The following CCND1 variants were observed in gnomAD, a reference collection of about 807,000 sequenced individuals.
CCND1 encodes the protein cyclin D1, also known as G1/S-specific cyclin-D1.
In CCND1, 9 loss-of-function variants were observed where a neutral mutation model predicts 26.1. That is an observed-to-expected ratio of 0.35 (90% CI 0.21 to 0.60). The LOEUF (loss-of-function observed/expected upper bound fraction) is 0.60. Ranked by LOEUF, CCND1 falls within the 20% of genes least tolerant of loss-of-function variation. The pLI is 0.79. For missense variants in CCND1, 335 were observed against 392.9 expected (o/e 0.85, Z 1.25); for synonymous variants, 194 against 166.1 (o/e 1.17, Z -1.29).
chr11:69,648,194 C>T (rs777451146), intron 4 of CCND1, 52 bp downstream of exon 4: 8 of 1,598,918 alleles, frequency 5.0e-6, no homozygotes, highest in Non-Finnish European at 6.8e-6. Context: ...CAGGGGGAGA[C>T]ACCTAGTGCC....
At chr11:69,647,928 C>T (rs1474778445) in intron 3 of CCND1, 66 bp from the exon 4 acceptor site, 23 of 1,582,052 alleles carry the variant, frequency 1.5e-5, no homozygotes, top group African/African-American at 4.0e-5. Context: ...CAGGGATGCC[C>T]GGATCACGGG....
Position 69,651,363 on chromosome 11 carries a change from C to G in CCND1, c.*81C>G, listed in dbSNP as rs915920225. ...AGGTGCTCCCCTGACAGTCCCTCCTCTCCGGAGCATTTTGATACCAGAAGG... is the reference window on the plus strand; with the variant it reads ...AGGTGCTCCCCTGACAGTCCCTCCTGTCCGGAGCATTTTGATACCAGAAGG... On this transcript the variant is annotated 3_prime_UTR_variant, in exon 5 of 5. Transcript: ENST00000227507. 8.3e-7 allele frequency: 1 copy of G among 1,207,236 alleles called. No individual in the cohort carries two copies. Among genetic ancestry groups the G allele is most frequent in the Non-Finnish European group, 1.1e-6 (1 of 917,140 alleles). The allele number at this position is 1,207,236 out of a possible 1,614,324, so 74.8% of individuals were successfully genotyped here. A position where few individuals can be genotyped will look rare whatever the true frequency, so the allele number is the denominator to read the frequency against.
rs752345237 is a variant in CCND1 at position 69,643,877 on chromosome 11, G to T, written c.460G>T (p.Ala154Ser). Residue 154 changes from alanine (A) to serine (S), a missense_variant, in exon 3 of 5, where the codon GCA becomes TCA. Coordinates refer to ENST00000227507, the MANE Select transcript of CCND1 (RefSeq NM_053056.3). ...LVNKLKWNLA[A>S]MTPHDFIEHF... ...GAACAAGCTCAAGTGGAACCTGGCC[G>T]CAATGACCCCGCACGATTTCATTGA... 1.2e-6 allele frequency: 2 copies of T among 1,613,294 alleles called. No homozygotes were observed. Among genetic ancestry groups the T allele is most frequent in the Admixed American group, 1.7e-5 (1 of 60,012 alleles).
chr11:69,645,603 G>A (rs1211152556), intron 3 of CCND1, among the ~76,000 whole-genome samples: 1 of 152,210 alleles, frequency 6.6e-6, no homozygotes, highest in Non-Finnish European at 1.5e-5. Context: ...AAGTGCTCCG[G>A]GTCCTGACCC....
At position 69,654,280 on chromosome 11, in the gene CCND1, G is replaced by A. The variant is rs1384911321; in HGVS notation, c.*2998G>A. On this transcript the variant is annotated 3_prime_UTR_variant, in exon 5 of 5. Transcript: ENST00000227507. This position sits in a 1 kb window ranked among gnomAD's most constrained non-coding sequence, Gnocchi z 6.3. ...TGTGTGTATCGAGAGGCCAAAGGCT[G>A]GTGGCAAGTGCACGGGGCACAGCGG... 1 of 702,476 alleles carries A rather than the reference G, an allele frequency of 1.4e-6. No individual in the cohort carries two copies. The highest frequency in any genetic ancestry group is 1.7e-5 in the African/African-American group (1 of 57,254). 43.5% of individuals were successfully genotyped at this position (702,476 alleles called of 1,614,324 possible).
At chr11:69,648,707 A>T (rs1228846292) in intron 4 of CCND1, among the ~76,000 whole-genome samples, 1 of 117,002 alleles carries the variant, frequency 8.5e-6, no homozygotes, top group Non-Finnish European at 2.1e-5. Flanking sequence ...AATGACAATC[A>T]AAAGGGTTTG....
chr11:69,651,009 T>A, intron 4 of CCND1, 109 bp from the exon 5 acceptor site: 1 of 1,061,204 alleles, frequency 9.4e-7, no homozygotes, highest in Non-Finnish European at 1.3e-6. Context: ...TTTGGCTTAG[T>A]CTTGCTCTTA....
intron 4 of CCND1, 33 bp downstream of exon 4, chr11:69,648,175 CG>C: frequency 6.2e-7 from 1 of 1,611,758 alleles, no homozygotes; most frequent in Non-Finnish European, 8.5e-7. Context: ...GCAGCCTTGC[CG>C]GGGCTTACAG....
chr11:69,651,355 T>TC lies in CCND1; in HGVS notation c.*76dup. ...CCGGCCCCAGGTGCTCCCCTGACAG[T>TC]CCCTCCTCTCCGGAGCATTTTGATA... On this transcript the variant is annotated 3_prime_UTR_variant, in exon 5 of 5. Coordinates refer to ENST00000227507, the MANE Select transcript of CCND1 (RefSeq NM_053056.3). 8.0e-7 allele frequency: 1 copy of TC among 1,257,534 alleles called. No individual in the cohort carries two copies. The highest frequency in any genetic ancestry group is 1.0e-6 in the Non-Finnish European group (1 of 955,038). 77.9% of individuals were successfully genotyped at this position (1,257,534 alleles called of 1,614,324 possible).
In CCND1 at chr11:69,653,249, A is replaced by ACCGTTGACTTCCAGGC; in HGVS notation, c.*1968_*1983dup. 2.9e-6 allele frequency: 2 copies of ACCGTTGACTTCCAGGC among 701,628 alleles called. No individual in the cohort carries two copies. The highest frequency in any genetic ancestry group is 3.0e-5 in the South Asian group (2 of 67,124). The allele number at this position is 701,628 out of a possible 1,614,324, so 43.5% of individuals were successfully genotyped here. ...AGCTCCATTTTCTTATTGCGCTGCT[A>ACCGTTGACTTCCAGGC]CCGTTGACTTCCAGGCACGGTTTGG... is the stretch of plus-strand genomic sequence containing the variant. On this transcript the variant is annotated 3_prime_UTR_variant, in exon 5 of 5. Transcript: ENST00000227507.
intron 1 of CCND1, 113 bp from the exon 2 acceptor site, chr11:69,642,918 C>T (rs1855727583): frequency 1.3e-5 from 8 of 623,128 alleles, no homozygotes; most frequent in Middle Eastern, 9.1e-4. Flanking sequence ...CAGCCCCGAC[C>T]CCTCGGCGCC....
chr11:69,644,201 C>G, intron 3 of CCND1: 1 of 600,152 alleles, frequency 1.7e-6, no homozygotes, highest in Non-Finnish European at 3.0e-6. Context: ...CTCACGGCCA[C>G]CATGCAGTAC....
At chr11:69,648,471 G>A (rs1855813742) in intron 4 of CCND1, among the ~76,000 whole-genome samples, 1 of 152,256 alleles carries the variant, frequency 6.6e-6, no homozygotes, top group African/African-American at 2.4e-5. Flanking sequence ...TGTGGGGTTA[G>A]GCCCAGGCGA....
rs116920722 is a variant in CCND1, at chr11:69,647,065, C to T, written c.575-929C>T. 3.3e-4 allele frequency among the ~76,000 whole-genome samples: 50 copies of T among 152,312 alleles called. 2 individuals are homozygous for T. In the East Asian group the frequency reaches 8.1e-3, roughly 25 times the overall value. ...TGGTGCCCTCTTGGGAAAGCTGCTC[C>T]CTCCTGGGGCCCGGCTCCCGGCCCA... is the stretch of plus-strand genomic sequence containing the variant. On this transcript the variant is annotated intron_variant, in intron 3 of 4. Transcript: ENST00000227507.
At position 69,641,431 on chromosome 11, in the gene CCND1, C is replaced by T. The variant is rs2120080976; in HGVS notation, c.118C>T (p.Pro40Ser). 6.2e-7 allele frequency: 1 copy of T among 1,613,474 alleles called. No individual in the cohort carries two copies. Among genetic ancestry groups the T allele is most frequent in the East Asian group, 2.2e-5 (1 of 44,870 alleles). ...GCTGAAGGCGGAGGAGACCTGCGCG[C>T]CCTCGGTGTCCTACTTCAAATGTGT... is the stretch of plus-strand genomic sequence containing the variant. Reference protein sequence around the residue: ...AMLKAEETCAPSVSYFKCVQK... With the variant: ...AMLKAEETCASSVSYFKCVQK... Residue 40 changes from proline to serine, a missense_variant, in exon 1 of 5, where the codon CCC becomes TCC. Coordinates refer to ENST00000227507, the MANE Select transcript of CCND1 (RefSeq NM_053056.3).
chr11:69,642,994 C>A, intron 1 of CCND1, 37 bp from the exon 2 acceptor site: 1 of 1,469,522 alleles, frequency 6.8e-7, no homozygotes, highest in South Asian at 1.3e-5. Flanking sequence ...GGCGGCGCGA[C>A]CTGGCGGCGG....
chr11:69,647,979 C>G lies in CCND1; in HGVS notation c.575-15C>G, dbSNP rs760618021. On this transcript the variant is annotated splice_polypyrimidine_tract_variant and intron_variant, in intron 3 of 4. Coordinates refer to ENST00000227507, the MANE Select transcript of CCND1 (RefSeq NM_053056.3). ...CCCTGCTCACAGCCTCCTTCCCTCT[C>G]TCCTTCTGCCTCAGATGTGAAGTTC... is the stretch of plus-strand genomic sequence containing the variant. The G allele has an allele frequency of 6.2e-7, 1 of 1,613,558 alleles. No individual in the cohort carries two copies. The highest frequency in any genetic ancestry group is 8.5e-7 in the Non-Finnish European group (1 of 1,179,912).
In CCND1 at chr11:69,651,112, T is replaced by C. The variant is rs571153521; in HGVS notation, c.724-6T>C. 6.2e-7 allele frequency: 1 copy of C among 1,611,676 alleles called. No individual in the cohort carries two copies. Among genetic ancestry groups the C allele is most frequent in the Admixed American group, 1.7e-5 (1 of 59,904 alleles). On this transcript the variant is annotated splice_polypyrimidine_tract_variant and splice_region_variant and intron_variant, in intron 4 of 4. Transcript: ENST00000227507. Reference sequence around the variant, plus strand: ...TTCCCACCTCTCCCCACCCTCTCTCTCTCAGGACTGCCTCCGGGCCTGCCA... The same window carrying C: ...TTCCCACCTCTCCCCACCCTCTCTCCCTCAGGACTGCCTCCGGGCCTGCCA...
chr11:69,641,590 C>A (rs1166146218), intron 1 of CCND1, 79 bp downstream of exon 1: 6 of 1,315,256 alleles, frequency 4.6e-6, no homozygotes, highest in Non-Finnish European at 6.5e-6. Flanking sequence ...TACTCACCCC[C>A]CTCCCTTCTC....
Sources: gnomAD v4.1 joint callset for allele counts (sites outside exome capture counted in the v4.1 genomes callset) on GRCh38, gnomAD v4.1.1 for gene constraint, Gnocchi (gnomAD v3.1) non-coding constraint, MANE v1.5 for transcripts, NCBI Gene and HGNC (gene_info 2026-07-23, HGNC 2026-07-21) for gene names.